The following PPP2R3B variants were observed in gnomAD, a reference collection of about 807,000 sequenced individuals.
The protein encoded by PPP2R3B is serine/threonine-protein phosphatase 2A regulatory subunit B'' subunit beta.
In PPP2R3B, 68 loss-of-function variants were observed where a neutral mutation model predicts 72.9. The observed-to-expected ratio is 0.93, with a 90% CI of 0.77 to 1.14. The LOEUF is 1.14. Ranked by LOEUF, PPP2R3B falls within the 50% of genes most tolerant of loss-of-function variation. The pLI, the probability that PPP2R3B is intolerant of heterozygous loss-of-function variation, is 0.00. For missense variants in PPP2R3B, 1,018 were observed against 842.0 expected, an observed-to-expected ratio of 1.21 and a Z score of -2.59; for synonymous variants, 466 against 375.8, an observed-to-expected ratio of 1.24 and a Z score of -2.78.
At chrX:338,350 T>G in intron 12 of PPP2R3B, 1 of 594,708 alleles carries the variant, frequency 1.7e-6, no homozygotes, top group Middle Eastern at 4.5e-4. Flanking sequence ...GTGCGAAGCC[T>G]CGCGCCCAGG....
At chrX:334,558 A>G (rs1228443806) in intron 12 of PPP2R3B, 41 bp from the exon 13 acceptor site, 2 of 1,453,786 alleles carry the variant, frequency 1.4e-6, no homozygotes, top group Admixed American at 5.2e-5. Context: ...AGCAGCGCGG[A>G]GCAGGCCCTG....
chrX:338,911 G>A lies in PPP2R3B; in HGVS notation c.1352-15C>T, dbSNP rs369101817. 81 of 1,607,928 alleles carry A rather than the reference G, an allele frequency of 5.0e-5. 1 individual carries two copies. The African/African-American group carries it at 1.0e-3, about 21-fold the overall frequency. ...CGTGATCTTCCCTGCGGGGAGGGGA[G>A]TGCGTCCAAGGCGCGTGAGCCCGGT... On this transcript the variant is annotated splice_polypyrimidine_tract_variant and intron_variant, in intron 10 of 12. Transcript: ENST00000390665.
chrX:385,786 T>TA (rs1569422338), intron 1 of PPP2R3B, among the ~76,000 whole-genome samples: 3 of 151,382 alleles, frequency 2.0e-5, no homozygotes, highest in African/African-American at 7.3e-5. Flanking sequence ...AATTGTAAAA[T>TA]AAATAAAAAA....
chrX:350,669 C>T (rs181362793), intron 2 of PPP2R3B, among the ~76,000 whole-genome samples: 3 of 152,364 alleles, frequency 2.0e-5, no homozygotes, highest in Admixed American at 6.5e-5. Context: ...GAACATGACA[C>T]GCGCGGCTGA....
intron 2 of PPP2R3B, among the ~76,000 whole-genome samples, chrX:358,762 C>G (rs1279910139): frequency 1.3e-5 from 2 of 151,172 alleles, no homozygotes; most frequent in Non-Finnish European, 2.9e-5. Context: ...ACATGAGAAC[C>G]AGGCGCCGAG....
chrX:372,952 T>G (rs1262661027), intron 1 of PPP2R3B, among the ~76,000 whole-genome samples: 6 of 152,020 alleles, frequency 3.9e-5, no homozygotes, highest in Non-Finnish European at 7.4e-5. Flanking sequence ...ATAAATAAAT[T>G]TCAAAGCCAC....
chrX:369,657 C>A (rs2071812635), intron 1 of PPP2R3B, among the ~76,000 whole-genome samples: 1 of 152,238 alleles, frequency 6.6e-6, no homozygotes, highest in East Asian at 1.9e-4. Context: ...CAGCCTCGGG[C>A]AGACCCCCGC....
intron 1 of PPP2R3B, among the ~76,000 whole-genome samples, chrX:376,909 G>A (rs1229149026): frequency 1.1e-3 from 60 of 52,266 alleles, no homozygotes; most frequent in Non-Finnish European, 1.5e-3. Flanking sequence ...CAGTGGGGCC[G>A]CCATGGGGCT....
At position 338,154 on chromosome X, in the gene PPP2R3B, G is replaced by A. The variant is rs777006360; in HGVS notation, c.1577+450C>T. 5.2e-5 allele frequency: 13 copies of A among 247,832 alleles called. No homozygotes were observed. In the East Asian group the frequency reaches 7.8e-4, roughly 15 times the overall value. 15.4% of individuals were successfully genotyped at this position (247,832 alleles called of 1,614,324 possible). ...TAAAGGGTTTGTATGCTGAAGACAC[G>A]AAGAACCCTCACGCTCCGTGAGAAA... is the stretch of plus-strand genomic sequence containing the variant. On this transcript the variant is annotated intron_variant, in intron 12 of 12. Coordinates refer to ENST00000390665, the MANE Select transcript of PPP2R3B (RefSeq NM_013239.5).
chrX:341,684 A>T, intron 8 of PPP2R3B, 199 bp downstream of exon 8: 1 of 693,082 alleles, frequency 1.4e-6, no homozygotes, highest in Non-Finnish European at 2.5e-6. Context: ...CCCCTTCCTC[A>T]GACTTCGCGT....
intron 2 of PPP2R3B, among the ~76,000 whole-genome samples, chrX:358,007 G>A (rs2071469465): frequency 6.6e-6 from 1 of 152,140 alleles, no homozygotes; most frequent in Non-Finnish European, 1.5e-5. Context: ...CCCCTCAGAC[G>A]TGAGTTCTCA....
chrX:334,241 GAATAAATAAAAGTTTATCATTCCGTACA>G lies in PPP2R3B; in HGVS notation c.*98_*125del. On this transcript the variant is annotated 3_prime_UTR_variant, in exon 13 of 13. Coordinates refer to ENST00000390665, the MANE Select transcript of PPP2R3B (RefSeq NM_013239.5). ...ACAGCGGCAATCAACACGCTTCTGT[GAATAAATAAAAGTTTATCATTCCGTACA>G]AACGCACTCATTTTCCACAACAGTT... The G allele has an allele frequency of 9.5e-6, 11 of 1,157,748 alleles. No homozygotes were observed. In the South Asian group the frequency reaches 2.1e-4, roughly 22 times the overall value. 71.7% of individuals were successfully genotyped at this position (1,157,748 alleles called of 1,614,324 possible). A position where few individuals can be genotyped will look rare whatever the true frequency, so the allele number is the denominator to read the frequency against.
chrX:361,280 A>G, intron 2 of PPP2R3B, 125 bp downstream of exon 2: 1 of 1,102,176 alleles, frequency 9.1e-7, no homozygotes, highest in Admixed American at 2.3e-5. Flanking sequence ...TGTGAAACGC[A>G]CCCTCCTCGG....
intron 12 of PPP2R3B, 27 bp downstream of exon 12, chrX:338,561 TCCCACTGACCCGTCCC>T (rs1569374776): frequency 8.4e-6 from 11 of 1,305,146 alleles, no homozygotes; most frequent in African/African-American, 4.1e-5. Context: ...TCACCCGTCC[TCCCACTGACCCGTCCC>T]CCCACTCACC....
intron 8 of PPP2R3B, 53 bp from the exon 9 acceptor site, chrX:341,449 A>G (rs926962869): frequency 1.2e-4 from 195 of 1,586,074 alleles, no homozygotes; most frequent in Non-Finnish European, 1.7e-4. Flanking sequence ...GGAGAGCTTC[A>G]CAGGAACGGA....
At chrX:337,247 AT>A (rs934577202) in intron 12 of PPP2R3B, 6 of 149,672 alleles carry the variant, frequency 4.0e-5, no homozygotes, top group Non-Finnish European at 5.9e-5. Flanking sequence ...CGCCTGGCTA[AT>A]TTTTTTTTTG....
rs762489555 is a variant in PPP2R3B, at chrX:341,983, G to A, written c.1037-52C>T. ...GCCCGCACCGTGCCTCGGCCCCGACGTCACCACCCCCCGGAGCCGAGACTG... is the reference window on the plus strand; with the variant it reads ...GCCCGCACCGTGCCTCGGCCCCGACATCACCACCCCCCGGAGCCGAGACTG... On this transcript the variant is annotated intron_variant, in intron 7 of 12. Transcript: ENST00000390665. 3.6e-5 allele frequency: 57 copies of A among 1,601,450 alleles called. No homozygotes were observed. The East Asian group carries it at 7.1e-4, about 20-fold the overall frequency.
Position 361,507 on chromosome X carries a change from C to A in PPP2R3B, c.408G>T (p.Gln136His). 1 of 1,614,026 alleles carries A rather than the reference C, an allele frequency of 6.2e-7. No individual in the cohort carries two copies. The highest frequency in any genetic ancestry group is 1.7e-5 in the Admixed American group (1 of 60,028). ...PTFYFPRGRP[Q>H]DSVNVDAVIS... ...TGACGGCATCCACGTTGACGGAGTC[C>A]TGCGGGCGTCCTCTGGGGAAGTAGA... The change falls in exon 2 of 13, where the codon CAG becomes CAT. Residue 136 changes from glutamine (Q) to histidine (H), a missense_variant. Gln to His is a conservative substitution (Grantham distance 24, BLOSUM62 0). Coordinates refer to ENST00000390665, the MANE Select transcript of PPP2R3B (RefSeq NM_013239.5).
intron 1 of PPP2R3B, among the ~76,000 whole-genome samples, chrX:375,154 T>C (rs1053643507): frequency 1.3e-5 from 2 of 152,052 alleles, no homozygotes; most frequent in African/African-American, 2.4e-5. Context: ...CATCCTCGGA[T>C]CCCTCCATCC....
Sources: allele counts gnomAD v4.1 joint callset (sites outside exome capture counted in the v4.1 genomes callset), GRCh38; gene constraint gnomAD v4.1.1; transcripts MANE v1.5; gene names NCBI Gene and HGNC (gene_info 2026-07-23, HGNC 2026-07-21).